Variants in AOPEP observed in about 807,000 individuals in gnomAD.
AOPEP encodes the protein aminopeptidase O.
A neutral mutation model predicts 98.1 loss-of-function variants in AOPEP; 77 were observed. The observed-to-expected ratio is 0.78, with a 90% CI of 0.65 to 0.95. AOPEP has a LOEUF of 0.95. Among genes scored for constraint, AOPEP ranks in the 40% least tolerant of loss-of-function variants. The pLI is 0.00. For synonymous variants in AOPEP, 346 were observed against 365.3 expected (o/e 0.95, Z 0.60); for missense variants, 1,024 against 1,024.7 (o/e 1.00, Z 0.01).
At chr9:94,967,317 CT>C (rs2059265467) in intron 9 of AOPEP, among the ~76,000 whole-genome samples, 1 of 152,136 alleles carries the variant, frequency 6.6e-6, no homozygotes, top group Admixed American at 6.6e-5. Flanking sequence ...TATTTATCAT[CT>C]TGATATTTAT....
chr9:94,735,516 G>A (rs975662487), intron 1 of AOPEP, among the ~76,000 whole-genome samples: 2 of 152,066 alleles, frequency 1.3e-5, no homozygotes, highest in African/African-American at 2.4e-5. Flanking sequence ...CACCGCGCCC[G>A]GCCAAGAATC....
At chr9:95,128,990 A>G in the AOPEP span, among the ~76,000 whole-genome samples, 8 of 151,620 alleles carry the variant, frequency 5.3e-5, no homozygotes, top group Admixed American at 1.3e-4. Flanking sequence ...GCAACCTCCA[A>G]CTCCTGGGTT....
At chr9:95,022,773 T>C (rs1456170485) in intron 13 of AOPEP, among the ~76,000 whole-genome samples, 1 of 152,200 alleles carries the variant, frequency 6.6e-6, no homozygotes, top group Non-Finnish European at 1.5e-5. Flanking sequence ...CCAAGAAGTT[T>C]TTTGATGTAG....
At chr9:94,968,942 C>T (rs2059370959) in intron 10 of AOPEP, among the ~76,000 whole-genome samples, 1 of 152,086 alleles carries the variant, frequency 6.6e-6, no homozygotes, top group Non-Finnish European at 1.5e-5. Context: ...CTCATTTAAT[C>T]CTCAAAACAA....
intron 13 of AOPEP, among the ~76,000 whole-genome samples, chr9:95,027,481 T>C (rs1035512412): frequency 3.9e-5 from 6 of 152,206 alleles, no homozygotes; most frequent in African/African-American, 1.4e-4. Context: ...TGAGGAGTGA[T>C]GTTTTTGGTA....
At chr9:94,997,223 T>TTG (rs1199088732) in intron 11 of AOPEP, among the ~76,000 whole-genome samples, 2 of 152,198 alleles carry the variant, frequency 1.3e-5, no homozygotes, top group Non-Finnish European at 2.9e-5. Context: ...TTAGTTCTTT[T>TTG]TGTGTGTGTG....
intron 14 of AOPEP, among the ~76,000 whole-genome samples, chr9:95,064,557 G>T (rs1587870032): frequency 6.6e-6 from 1 of 152,328 alleles, no homozygotes; most frequent in East Asian, 1.9e-4. Flanking sequence ...CCAAAGTGCT[G>T]GGATTACAGG....
chr9:94,931,334 GC>G (rs1415153981), intron 7 of AOPEP, among the ~76,000 whole-genome samples: 3 of 152,014 alleles, frequency 2.0e-5, no homozygotes, highest in Admixed American at 1.3e-4. Context: ...AATTTTGTTT[GC>G]CTAAATTTAG....
intron 5 of AOPEP, among the ~76,000 whole-genome samples, chr9:94,888,649 A>G (rs2048512393): frequency 6.6e-6 from 1 of 152,084 alleles, no homozygotes. Context: ...TAAGTCAAAG[A>G]AAGTTTTTTG....
chr9:94,947,338 G>A (rs1370925734), intron 7 of AOPEP, among the ~76,000 whole-genome samples: 1 of 151,880 alleles, frequency 6.6e-6, no homozygotes, highest in Non-Finnish European at 1.5e-5. Context: ...GAATGCAGTG[G>A]CGCAATCAAA....
chr9:94,886,801 A>T (rs1482903262), intron 5 of AOPEP, among the ~76,000 whole-genome samples: 2 of 152,190 alleles, frequency 1.3e-5, no homozygotes, highest in Admixed American at 1.3e-4. Context: ...AAAATTCTTT[A>T]AAGTACCCAC....
At chr9:95,132,199 C>T in the AOPEP span, among the ~76,000 whole-genome samples, 1 of 152,166 alleles carries the variant, frequency 6.6e-6, no homozygotes. Context: ...AATCGGGTAC[C>T]TTCCGGCCCT....
chr9:95,081,866 T>C (rs1337918691), intron 15 of AOPEP, among the ~76,000 whole-genome samples: 1 of 152,144 alleles, frequency 6.6e-6, no homozygotes, highest in African/African-American at 2.4e-5. Flanking sequence ...TCCAGCGGAA[T>C]GTAACTCGTG....
rs3802462 is a variant in AOPEP, at chr9:94,760,182, C to T, written c.399C>T (p.Asp133=). The change falls in exon 2 of 17, where the codon GAC becomes GAT. Residue 133 remains aspartate (D), a synonymous_variant. Coordinates refer to ENST00000375315, the MANE Select transcript of AOPEP (RefSeq NM_001193329.3). ...TTTCTAGCTCAAAGTACTGCTGTGA[C>T]ACAGGGAATCATGGGAGTGAGGATT... is the stretch of plus-strand genomic sequence containing the variant. The part of the protein sequence containing the change: ...SGISSSKYCC[D]TGNHGSEDFL... 2.9e-4 allele frequency: 463 copies of T among 1,614,182 alleles called. 1 individual carries two copies. In the East Asian group the frequency reaches 8.1e-3, roughly 28 times the overall value.
chr9:95,063,445 G>A (rs1408553630), intron 14 of AOPEP, among the ~76,000 whole-genome samples: 1 of 152,006 alleles, frequency 6.6e-6, no homozygotes, highest in Non-Finnish European at 1.5e-5. Context: ...TCAGATCTCC[G>A]CAGACTCCAC....
In AOPEP at chr9:94,835,708, C is replaced by T. The variant is rs186203852; in HGVS notation, c.1364+34706C>T. Among the ~76,000 whole-genome samples the T allele has an allele frequency of 8.5e-5, 13 of 152,326 alleles. No individual in the cohort carries two copies. In the East Asian group the frequency reaches 2.3e-3, roughly 27 times the overall value. On this transcript the variant is annotated intron_variant, in intron 5 of 16. Transcript: ENST00000375315. Reference sequence around the variant, plus strand: ...AACAGCTTATAGGCAAATGCCTGAACGGTTTTTCTTTTTGCTTCAGTTGAA... The same window carrying T: ...AACAGCTTATAGGCAAATGCCTGAATGGTTTTTCTTTTTGCTTCAGTTGAA...
chr9:95,141,300 A>C, the AOPEP span, among the ~76,000 whole-genome samples: 1 of 110,438 alleles, frequency 9.1e-6, no homozygotes, highest in African/African-American at 3.5e-5. Flanking sequence ...TGACAGAGTG[A>C]GACCCTGTCT....
chr9:94,726,855 CCTTACCCTCA>C (rs1486466027), intron 1 of AOPEP, 104 bp downstream of exon 1: 1 of 152,534 alleles, frequency 6.6e-6, no homozygotes, highest in African/African-American at 2.4e-5. Context: ...GGGAACCCTC[CCTTACCCTCA>C]CTTTTGCTCG....
At chr9:95,131,788 A>C in the AOPEP span, among the ~76,000 whole-genome samples, 1 of 152,180 alleles carries the variant, frequency 6.6e-6, no homozygotes, top group South Asian at 2.1e-4. Context: ...CAGGATGTAG[A>C]GTGAACTCTT....
Sources: allele counts gnomAD v4.1 joint callset (sites outside exome capture counted in the v4.1 genomes callset), GRCh38; gene constraint gnomAD v4.1.1; transcripts MANE v1.5; gene names NCBI Gene and HGNC (gene_info 2026-07-23, HGNC 2026-07-21).